The following PCSK2 variants were observed in gnomAD, a reference collection of about 807,000 sequenced individuals.
PCSK2 encodes the protein proprotein convertase subtilisin/kexin type 2, also known as neuroendocrine convertase 2.
Under a neutral mutation model 69.7 loss-of-function variants are expected in PCSK2, and 14 were observed. The observed-to-expected ratio is 0.20, with a 90% CI of 0.13 to 0.31. The LOEUF (loss-of-function observed/expected upper bound fraction) is 0.31. PCSK2 is among the 10% of genes least tolerant of loss of function. The pLI, the probability that PCSK2 is intolerant of heterozygous loss-of-function variation, is 1.00. For synonymous variants in PCSK2, 307 were observed against 320.7 expected (o/e 0.96, Z 0.46); for missense variants, 544 against 842.5 (o/e 0.65, Z 4.39).
intron 5 of PCSK2, among the ~76,000 whole-genome samples, chr20:17,383,280 CT>C (rs1264339776): frequency 6.6e-6 from 1 of 152,168 alleles, no homozygotes; most frequent in African/African-American, 2.4e-5. Context: ...TTATTTATAC[CT>C]CAGTCAACAC....
At chr20:17,423,670 T>C (rs1173916053) in intron 6 of PCSK2, among the ~76,000 whole-genome samples, 1 of 151,744 alleles carries the variant, frequency 6.6e-6, no homozygotes, top group Non-Finnish European at 1.5e-5. Context: ...AATAAATAAA[T>C]TTGGAAGACA....
rs181816657 is a variant in PCSK2 at position 17,247,715 on chromosome 20, C to G, written c.178-12525C>G. 2.0e-3 allele frequency among the ~76,000 whole-genome samples: 303 copies of G among 152,330 alleles called. 1 individual carries two copies. The highest frequency in any genetic ancestry group is 6.7e-3 in the African/African-American group (279 of 41,574). On this transcript the variant is annotated intron_variant, in intron 1 of 11. Coordinates refer to ENST00000262545, the MANE Select transcript of PCSK2 (RefSeq NM_002594.5). ...CACAAAATTTGGAATGGAGGCCATGCCAAGGTCACAGACCCTCTGGAGCAT... is the reference window on the plus strand; with the variant it reads ...CACAAAATTTGGAATGGAGGCCATGGCAAGGTCACAGACCCTCTGGAGCAT...
intron 1 of PCSK2, among the ~76,000 whole-genome samples, chr20:17,236,133 G>A (rs187813886): frequency 9.9e-5 from 15 of 152,146 alleles, no homozygotes; most frequent in Middle Eastern, 3.4e-3. Context: ...AGAGAGAAGA[G>A]AGATATATAA....
chr20:17,228,751 G>A (rs1156415344), intron 1 of PCSK2, among the ~76,000 whole-genome samples: 1 of 152,174 alleles, frequency 6.6e-6, no homozygotes, highest in East Asian at 1.9e-4. Context: ...CCAGGTGTGG[G>A]GGCCTCTCCC....
Position 17,465,359 on chromosome 20 carries a change from G to C in PCSK2, c.1236G>C (p.Leu412=). The C allele has an allele frequency of 6.2e-7, 1 of 1,614,166 alleles. No individual in the cohort carries two copies. Reference sequence around the variant, plus strand: ...TGACCTGGCGGGACATGCAGCATCTGACTGTGCTCACCTCCAAACGGAACC... The same window carrying C: ...TGACCTGGCGGGACATGCAGCATCTCACTGTGCTCACCTCCAAACGGAACC... ...LGLTWRDMQH[L]TVLTSKRNQL... Residue 412 remains leucine, a synonymous_variant, in exon 11 of 12, where the codon CTG becomes CTC. Transcript: ENST00000262545.
At chr20:17,418,576 C>T (rs2123319381) in intron 6 of PCSK2, among the ~76,000 whole-genome samples, 1 of 152,268 alleles carries the variant, frequency 6.6e-6, no homozygotes, top group East Asian at 1.9e-4. Context: ...GTGGTTGGGT[C>T]AGAAACTGGG....
At chr20:17,285,930 G>A (rs148502338) in intron 2 of PCSK2, among the ~76,000 whole-genome samples, 22 of 152,318 alleles carry the variant, frequency 1.4e-4, no homozygotes, top group Middle Eastern at 3.4e-3. Context: ...CCCCACCAGA[G>A]CTGCTGAGAT....
chr20:17,479,827 A>G (rs1040733996), intron 11 of PCSK2, among the ~76,000 whole-genome samples: 10 of 148,636 alleles, frequency 6.7e-5, no homozygotes, highest in African/African-American at 2.5e-4. Flanking sequence ...AAAAAGAACT[A>G]TCCACAATGA....
intron 2 of PCSK2, among the ~76,000 whole-genome samples, chr20:17,303,516 A>G (rs367628910): frequency 3.6e-5 from 1 of 27,486 alleles, no homozygotes; most frequent in Non-Finnish European, 8.7e-5. Context: ...TATTATATAT[A>G]ATATAATATA....
At position 17,242,217 on chromosome 20, in the gene PCSK2, T is replaced by C. The variant is rs539522975; in HGVS notation, c.177+14735T>C. 1.4e-4 allele frequency among the ~76,000 whole-genome samples: 22 copies of C among 152,316 alleles called. 1 individual carries two copies. The South Asian group carries it at 4.6e-3, about 32-fold the overall frequency. ...TTGAGCATTATCCGTGGAGAACAAA[T>C]GCTTAGGAATGGCATAGGAGTAGGC... On this transcript the variant is annotated intron_variant, in intron 1 of 11. Coordinates refer to ENST00000262545, the MANE Select transcript of PCSK2 (RefSeq NM_002594.5).
At chr20:17,348,943 C>T (rs1482695858) in intron 2 of PCSK2, among the ~76,000 whole-genome samples, 2 of 152,142 alleles carry the variant, frequency 1.3e-5, no homozygotes, top group Non-Finnish European at 2.9e-5. Context: ...AGGCATGACC[C>T]GTGGCTCTGC....
chr20:17,441,278 T>A (rs6044816), intron 8 of PCSK2, among the ~76,000 whole-genome samples: 12,343 of 152,248 alleles, frequency 0.081, 586 homozygotes, highest in East Asian at 0.17. Context: ...GAAGTGTGGT[T>A]CTGTTGGGAA....
At chr20:17,310,907 C>A (rs948456956) in intron 2 of PCSK2, among the ~76,000 whole-genome samples, 1 of 149,434 alleles carries the variant, frequency 6.7e-6, no homozygotes, top group Non-Finnish European at 1.5e-5. Context: ...GATGCTGAGG[C>A]AGAGAATTGC....
At chr20:17,337,453 G>C (rs1421679734) in intron 2 of PCSK2, among the ~76,000 whole-genome samples, 1 of 152,246 alleles carries the variant, frequency 6.6e-6, no homozygotes, top group South Asian at 2.1e-4. Context: ...TTCAGCACTT[G>C]GTTGGAAGAA....
intron 2 of PCSK2, among the ~76,000 whole-genome samples, chr20:17,327,905 C>T (rs1007219257): frequency 1.3e-5 from 2 of 152,172 alleles, no homozygotes; most frequent in Non-Finnish European, 2.9e-5. Flanking sequence ...TTATTTACTG[C>T]TGCCTCAAAA....
At chr20:17,258,369 A>T (rs1018853610) in intron 1 of PCSK2, among the ~76,000 whole-genome samples, 1 of 152,166 alleles carries the variant, frequency 6.6e-6, no homozygotes, top group Non-Finnish European at 1.5e-5. Flanking sequence ...TTGATTTGGC[A>T]ATTTTTTTCA....
chr20:17,317,613 C>T (rs552087093), intron 2 of PCSK2, among the ~76,000 whole-genome samples: 1 of 152,202 alleles, frequency 6.6e-6, no homozygotes, highest in African/African-American at 2.4e-5. Context: ...ATACAACTCC[C>T]CCAATCCCTC....
At chr20:17,360,201 A>G (rs2030342121) in intron 3 of PCSK2, among the ~76,000 whole-genome samples, 1 of 152,234 alleles carries the variant, frequency 6.6e-6, no homozygotes, top group Non-Finnish European at 1.5e-5. Flanking sequence ...TTTAATTCTA[A>G]ATCAGGGAGG....
rs1022144314 is a variant in PCSK2, at chr20:17,453,328, A to C, written c.886-414A>C. 6.6e-6 allele frequency among the ~76,000 whole-genome samples: 1 copy of C among 152,232 alleles called. No individual in the cohort carries two copies. Among genetic ancestry groups the C allele is most frequent in the Non-Finnish European group, 1.5e-5 (1 of 68,030 alleles). ...CATATACTTGCATTTTCACTAAAAA[A>C]TGTCTGATACATAAAGAGATGTAAG... On this transcript the variant is annotated intron_variant, in intron 8 of 11. Transcript: ENST00000262545. This position sits in a 1 kb window ranked among gnomAD's most constrained non-coding sequence, Gnocchi z 4.0.
Sources: allele counts gnomAD v4.1 joint callset (sites outside exome capture counted in the v4.1 genomes callset), GRCh38; gene constraint gnomAD v4.1.1; non-coding constraint Gnocchi (gnomAD v3.1); transcripts MANE v1.5; gene names NCBI Gene and HGNC (gene_info 2026-07-23, HGNC 2026-07-21).